PIK3C2G: variants seen among roughly 807,000 people sequenced by gnomAD.
PIK3C2G encodes phosphatidylinositol 3-kinase C2 domain-containing subunit gamma.
Under a neutral mutation model 181.1 loss-of-function variants are expected in PIK3C2G, and 168 were observed. The observed-to-expected ratio is 0.93, with a 90% CI of 0.82 to 1.05. The LOEUF is 1.05. Among genes scored for constraint, PIK3C2G ranks in the 50% least tolerant of loss-of-function variants. The probability of loss-of-function intolerance (pLI) is 0.00; values close to 1 mark genes in which losing one functional copy is unlikely to be tolerated. For missense variants in PIK3C2G, 1,869 were observed against 1,732.8 expected (o/e 1.08, Z -1.40); for synonymous variants, 573 against 592.2 (o/e 0.97, Z 0.47).
At chr12:18,596,555 C>T (rs1004978213) in intron 30 of PIK3C2G, among the ~76,000 whole-genome samples, 1 of 152,042 alleles carries the variant, frequency 6.6e-6, no homozygotes. Context: ...AGTTATTTGT[C>T]AAGGTACAGA....
At chr12:18,362,684 C>A in intron 11 of PIK3C2G, 80 bp from the exon 12 acceptor site, 6 of 1,023,004 alleles carry the variant, frequency 5.9e-6, no homozygotes, top group Non-Finnish European at 8.1e-6. Context: ...TGACTTTTGA[C>A]TACAAAAATA....
chr12:18,550,642 C>T (rs1341745392), intron 26 of PIK3C2G, among the ~76,000 whole-genome samples: 1 of 151,968 alleles, frequency 6.6e-6, no homozygotes, highest in African/African-American at 2.4e-5. Context: ...ATATGAGCCC[C>T]TCTATATTTA....
intron 18 of PIK3C2G, among the ~76,000 whole-genome samples, chr12:18,455,468 G>A (rs927096103): frequency 7.2e-5 from 11 of 152,068 alleles, no homozygotes. Flanking sequence ...TTTCTCCCTT[G>A]AATTGCAGAA....
Position 18,593,879 on chromosome 12 carries a change from T to C in PIK3C2G, c.4012-615T>C, listed in dbSNP as rs116746139. On this transcript the variant is annotated intron_variant, in intron 29 of 32. Transcript: ENST00000538779. ...TGTGTTCTAAAGAGAGAGAATACCT[T>C]ATGCATCTTTCTGTCTTGATATATC... Among the ~76,000 whole-genome samples the C allele has an allele frequency of 5.9e-3, 901 of 151,988 alleles. 6 individuals carry two copies. Among genetic ancestry groups the C allele is most frequent in the African/African-American group, 0.021 (866 of 41,532 alleles).
intron 8 of PIK3C2G, among the ~76,000 whole-genome samples, chr12:18,328,012 T>C (rs1951424878): frequency 6.6e-6 from 1 of 151,972 alleles, no homozygotes; most frequent in African/African-American, 2.4e-5. Flanking sequence ...CTCTAATATG[T>C]TGTCTCCAAA....
chr12:18,618,099 T>C (rs12811846), intron 31 of PIK3C2G, among the ~76,000 whole-genome samples: 1 of 152,042 alleles, frequency 6.6e-6, no homozygotes, highest in Non-Finnish European at 1.5e-5. Context: ...AAGGACGTTT[T>C]CTCTACTTTT....
At chr12:18,698,630 A>G in the PIK3C2G span, among the ~76,000 whole-genome samples, 47,570 of 151,814 alleles carry the variant, frequency 0.31, 8,372 homozygotes, top group East Asian at 0.51. Context: ...GGTAGATTGC[A>G]TTTTTTTAAC....
chr12:18,282,060 T>C lies in PIK3C2G; in HGVS notation c.-22T>C, dbSNP rs914886329. ...GAGATATTTGGAGCAGAGTCAACCC[T>C]CTCAGTTACATAAAATAAAAAATGG... On this transcript the variant is annotated 5_prime_UTR_variant, in exon 2 of 33. Transcript: ENST00000538779. 4 of 1,440,242 alleles carry C rather than the reference T, an allele frequency of 2.8e-6. No homozygotes were observed. The South Asian group carries it at 3.7e-5, about 13-fold the overall frequency. 89.2% of individuals were successfully genotyped at this position (1,440,242 alleles called of 1,614,324 possible). A position where few individuals can be genotyped will look rare whatever the true frequency, so the allele number is the denominator to read the frequency against.
intron 24 of PIK3C2G, among the ~76,000 whole-genome samples, chr12:18,516,750 T>A (rs1942576794): frequency 6.6e-6 from 1 of 152,066 alleles, no homozygotes; most frequent in Admixed American, 6.6e-5. Context: ...AATGGGGTTT[T>A]CTGATGAGTT....
chr12:18,381,057 C>A (rs1452463956), intron 13 of PIK3C2G, among the ~76,000 whole-genome samples: 2 of 152,182 alleles, frequency 1.3e-5, no homozygotes, highest in African/African-American at 4.8e-5. Context: ...CCAGGTACAA[C>A]TTCTTTTTTA....
At chr12:18,358,708 A>G (rs558141658) in intron 11 of PIK3C2G, 57 of 469,054 alleles carry the variant, frequency 1.2e-4, no homozygotes, top group African/African-American at 1.0e-3. Flanking sequence ...AACCAAAGAA[A>G]GAGCTTCAGC....
intron 18 of PIK3C2G, among the ~76,000 whole-genome samples, chr12:18,476,696 C>T (rs568930932): frequency 6.6e-6 from 1 of 152,094 alleles, no homozygotes; most frequent in East Asian, 1.9e-4. Context: ...AGGATAACAG[C>T]CTCATTTTTA....
At chr12:18,695,156 C>T in the PIK3C2G span, 3 of 1,375,214 alleles carry the variant, frequency 2.2e-6, no homozygotes, top group Non-Finnish European at 1.0e-6. Flanking sequence ...TTACTGAAAT[C>T]TAATAATGGA....
upstream of PIK3C2G, among the ~76,000 whole-genome samples, chr12:18,247,424 G>A (rs1043394138): frequency 6.6e-6 from 1 of 152,176 alleles, no homozygotes; most frequent in Non-Finnish European, 1.5e-5. Context: ...AAGAGTTTAG[G>A]AGTGGAGGTT....
At chr12:18,571,597 G>A (rs1401355428) in intron 29 of PIK3C2G, among the ~76,000 whole-genome samples, 1 of 150,640 alleles carries the variant, frequency 6.6e-6, no homozygotes, top group Admixed American at 6.6e-5. Flanking sequence ...TAACGTTCAC[G>A]TGTCTCTCCT....
intron 31 of PIK3C2G, among the ~76,000 whole-genome samples, chr12:18,622,961 A>G (rs1255193074): frequency 6.6e-6 from 1 of 151,794 alleles, no homozygotes; most frequent in Admixed American, 6.6e-5. Flanking sequence ...TATCAGATAT[A>G]TGACTTGCAA....
At chr12:18,722,713 A>G in the PIK3C2G span, among the ~76,000 whole-genome samples, 10 of 152,234 alleles carry the variant, frequency 6.6e-5, no homozygotes, top group South Asian at 1.0e-3. Flanking sequence ...CACAAATTCT[A>G]TGACAGATCG....
intron 18 of PIK3C2G, among the ~76,000 whole-genome samples, chr12:18,471,599 A>G (rs1017091901): frequency 1.3e-5 from 2 of 152,060 alleles, no homozygotes; most frequent in Admixed American, 6.6e-5. Flanking sequence ...TTCTTTTCCA[A>G]CACCTACCCA....
chr12:18,280,705 T>C (rs1186944198), intron 1 of PIK3C2G, among the ~76,000 whole-genome samples: 1 of 151,984 alleles, frequency 6.6e-6, no homozygotes, highest in African/African-American at 2.4e-5. Flanking sequence ...AGTGGAGATA[T>C]TTGGTTAGTG....
Sources: allele counts gnomAD v4.1 joint callset (sites outside exome capture counted in the v4.1 genomes callset), GRCh38; gene constraint gnomAD v4.1.1; transcripts MANE v1.5; gene names NCBI Gene and HGNC (gene_info 2026-07-23, HGNC 2026-07-21).